ATP2C2: variants seen among roughly 807,000 people sequenced by gnomAD.
ATP2C2 encodes the protein ATPase secretory pathway Ca2+ transporting 2.
ATP2C2 carries 171 observed loss-of-function variants against 110.8 expected under a neutral mutation model. That is an observed-to-expected ratio of 1.54 (90% confidence interval 1.36 to 1.75). The LOEUF (loss-of-function observed/expected upper bound fraction) is 1.75, where lower values mean the gene tolerates loss of function less well. ATP2C2 is among the 40% of genes most tolerant of loss of function. The pLI, the probability that ATP2C2 is intolerant of heterozygous loss-of-function variation, is 0.00. For synonymous variants in ATP2C2, 804 were observed against 508.4 expected (o/e 1.58, Z -7.82); for missense variants, 1,963 against 1,235.0 (o/e 1.59, Z -8.84).
intron 26 of ATP2C2, 183 bp downstream of exon 26, chr16:84,462,312 C>T (rs183594083): frequency 2.8e-5 from 21 of 754,176 alleles, no homozygotes; most frequent in South Asian, 4.0e-5. Context: ...GGTGATGTGA[C>T]GGATGCACAG....
In ATP2C2 at chr16:84,442,610, C is replaced by G. The variant is rs1169614972; in HGVS notation, c.1401+11C>G. The G allele has an allele frequency of 1.2e-6, 2 of 1,612,870 alleles. No individual in the cohort carries two copies. The highest frequency in any genetic ancestry group is 1.7e-6 in the Non-Finnish European group (2 of 1,179,160). On this transcript the variant is annotated intron_variant, in intron 15 of 26. Transcript: ENST00000262429. ...GCCCTGGCGATGAAGGTAGGAGGTC[C>G]TGGGGTGGCTCTGCGGGGAATTCTT...
intron 1 of ATP2C2, among the ~76,000 whole-genome samples, chr16:84,387,718 T>A (rs1167181510): frequency 1.3e-5 from 2 of 152,206 alleles, no homozygotes; most frequent in African/African-American, 4.8e-5. Flanking sequence ...AATAAGACTT[T>A]GCTGGGTTGG....
At chr16:84,409,019 A>G (rs1906035707) in intron 4 of ATP2C2, among the ~76,000 whole-genome samples, 1 of 152,134 alleles carries the variant, frequency 6.6e-6, no homozygotes, top group African/African-American at 2.4e-5. Flanking sequence ...CTCACCAGAC[A>G]GTCACTTCCT....
intron 11 of ATP2C2, among the ~76,000 whole-genome samples, chr16:84,435,756 G>A (rs961197556): frequency 6.6e-6 from 1 of 152,060 alleles, no homozygotes; most frequent in Non-Finnish European, 1.5e-5. Flanking sequence ...GAGTCCAGGA[G>A]GTCAAGGCTG....
rs373794394 is a variant in ATP2C2, at chr16:84,408,101, C to G, written c.328-304C>G. ...TCCTGAGCCAGGACTGGCATCTTGC[C>G]GAAAGTCCCGGCCTGGAGCGTCATG... On this transcript the variant is annotated intron_variant, in intron 3 of 26. Transcript: ENST00000262429. Among the ~76,000 whole-genome samples, 43 of 152,236 alleles carry G rather than the reference C, an allele frequency of 2.8e-4. No homozygotes were observed. In the South Asian group the frequency reaches 8.1e-3, roughly 29 times the overall value.
chr16:84,399,190 T>G (rs1378949319), intron 2 of ATP2C2, among the ~76,000 whole-genome samples: 1 of 152,208 alleles, frequency 6.6e-6, no homozygotes, highest in African/African-American at 2.4e-5. Context: ...CCACTACATT[T>G]TGGGAAAGCA....
At chr16:84,382,638 A>C (rs1377818317) in intron 1 of ATP2C2, among the ~76,000 whole-genome samples, 1 of 152,206 alleles carries the variant, frequency 6.6e-6, no homozygotes, top group Non-Finnish European at 1.5e-5. Context: ...TCACACCTGT[A>C]ATCCTAGCAC....
At chr16:84,388,464 G>C (rs4782944) in intron 1 of ATP2C2, among the ~76,000 whole-genome samples, 48,981 of 152,140 alleles carry the variant, frequency 0.32, 8,228 homozygotes, top group South Asian at 0.44. Context: ...CTGAGTTTCT[G>C]CATTTCTAAC....
At chr16:84,447,693 A>G (rs1335011502) in intron 16 of ATP2C2, among the ~76,000 whole-genome samples, 1 of 144,690 alleles carries the variant, frequency 6.9e-6, no homozygotes, top group Admixed American at 7.0e-5. Context: ...ATTATTTAAT[A>G]TATATTATGT....
chr16:84,382,749 A>C (rs1455824787), intron 1 of ATP2C2, among the ~76,000 whole-genome samples: 1 of 152,218 alleles, frequency 6.6e-6, no homozygotes, highest in African/African-American at 2.4e-5. Context: ...CAAAACATTT[A>C]GCCAGGCATG....
At chr16:84,398,819 C>G (rs1216145721) in intron 2 of ATP2C2, among the ~76,000 whole-genome samples, 1 of 152,198 alleles carries the variant, frequency 6.6e-6, no homozygotes, top group African/African-American at 2.4e-5. Context: ...CAGGCCCTTA[C>G]CGGAAGACGG....
intron 14 of ATP2C2, 87 bp from the exon 15 acceptor site, chr16:84,442,423 C>T (rs1399470484): frequency 5.5e-6 from 7 of 1,270,762 alleles, no homozygotes; most frequent in South Asian, 1.2e-5. Context: ...CCCACAACCC[C>T]AGCTGTAAAA....
Position 84,460,806 on chromosome 16 carries a change from G to A in ATP2C2, c.2481+5G>A. 6.2e-7 allele frequency: 1 copy of A among 1,609,804 alleles called. No individual in the cohort carries two copies. Among genetic ancestry groups the A allele is most frequent in the Non-Finnish European group, 8.5e-7 (1 of 1,176,992 alleles). On this transcript the variant is annotated splice_donor_5th_base_variant and intron_variant, in intron 24 of 26. Transcript: ENST00000262429. ...CTCTTTATCTTCTGGAAGGAGGTGA[G>A]CGAGGGTCACCCCGGCCTGTTCTCC...
At position 84,448,661 on chromosome 16, in the gene ATP2C2, G is replaced by T. The variant is rs748001997; in HGVS notation, c.1632G>T (p.Glu544Asp). 6.2e-7 allele frequency: 1 copy of T among 1,613,936 alleles called. No homozygotes were observed. The highest frequency in any genetic ancestry group is 1.1e-5 in the South Asian group (1 of 91,012). The part of the protein sequence containing the change: ...PQQRSFCLQE[E>D]KRMGSLGLRV... ...AGAGGTCATTCTGCCTGCAGGAAGA[G>T]AAGAGGATGGGGTCGCTCGGTTTGC... The change falls in exon 17 of 27, where the codon GAG (glutamate) becomes GAT (aspartate). Residue 544 changes from glutamate to aspartate, a missense_variant. By Grantham distance (45) the Glu-to-Asp change is conservative (BLOSUM62 2). Transcript: ENST00000262429.
intron 1 of ATP2C2, among the ~76,000 whole-genome samples, chr16:84,383,590 A>G (rs1910712676): frequency 6.6e-6 from 1 of 152,206 alleles, no homozygotes; most frequent in South Asian, 2.1e-4. Flanking sequence ...TAAGAAGATG[A>G]TAGCACAAAC....
rs868713005 is a variant in ATP2C2, at chr16:84,441,821, C to G, written c.1312-689C>G. Among the ~76,000 whole-genome samples, 7 of 152,248 alleles carry G rather than the reference C, an allele frequency of 4.6e-5. No individual in the cohort carries two copies. In the Middle Eastern group the frequency reaches 0.017, roughly 370 times the overall value. On this transcript the variant is annotated intron_variant, in intron 14 of 26. Transcript: ENST00000262429. ...CCTGTAGTCCCAGCTACTCAGGAGC[C>G]TGAGACAGGAGAATTGCCTTGAACC...
intron 21 of ATP2C2, among the ~76,000 whole-genome samples, chr16:84,458,783 G>C (rs140641276): frequency 3.3e-5 from 5 of 152,178 alleles, no homozygotes; most frequent in Admixed American, 6.5e-5. Context: ...GGTAAATCGC[G>C]GAGATGCACG....
At chr16:84,460,485 C>T (rs769428754) in intron 23 of ATP2C2, 169 bp from the exon 24 acceptor site, 15 of 893,048 alleles carry the variant, frequency 1.7e-5, no homozygotes, top group Non-Finnish European at 2.5e-5. Context: ...GGCTCTGGGG[C>T]TTCTGGAAGG....
chr16:84,447,669 C>CATATATTATTTTATATATATTATGTAAT (rs59228758), intron 16 of ATP2C2, among the ~76,000 whole-genome samples: 1 of 142,704 alleles, frequency 7.0e-6, no homozygotes, highest in African/African-American at 2.6e-5. Flanking sequence ...ATATATATTA[C>CATATATTATTTTATATATATTATGTAAT]ATATATTACA....
Sources: allele counts gnomAD v4.1 joint callset (sites outside exome capture counted in the v4.1 genomes callset), GRCh38; gene constraint gnomAD v4.1.1; transcripts MANE v1.5; gene names NCBI Gene and HGNC (gene_info 2026-07-23, HGNC 2026-07-21).